RBMS3: variants seen among roughly 807,000 people sequenced by gnomAD.
RBMS3 encodes the protein RNA binding motif single stranded interacting protein 3, also known as RNA-binding motif, single-stranded-interacting protein 3.
RBMS3 carries 27 observed loss-of-function variants against 66.8 expected under a neutral mutation model. That is an observed-to-expected ratio of 0.40 (90% CI 0.30 to 0.56). The LOEUF is 0.56. Ranked by LOEUF, RBMS3 falls within the 20% of genes least tolerant of loss-of-function variation. The pLI is 0.40. For missense variants in RBMS3, 513 were observed against 549.5 expected (o/e 0.93, Z 0.66); for synonymous variants, 188 against 183.0 (o/e 1.03, Z -0.22).
At chr3:29,684,247 A>C (rs911379288) in intron 4 of RBMS3, among the ~76,000 whole-genome samples, 3 of 152,186 alleles carry the variant, frequency 2.0e-5, no homozygotes, top group Admixed American at 1.3e-4. Flanking sequence ...CACAGTCCCT[A>C]CTTTTAGGAA....
chr3:29,699,625 A>C (rs2052453481), intron 4 of RBMS3, among the ~76,000 whole-genome samples: 1 of 152,192 alleles, frequency 6.6e-6, no homozygotes. Flanking sequence ...TTTCTCAGTT[A>C]ACATTGTGAC....
chr3:29,620,786 T>C (rs980788342), intron 4 of RBMS3, among the ~76,000 whole-genome samples: 2 of 152,128 alleles, frequency 1.3e-5, no homozygotes, highest in African/African-American at 4.8e-5. Context: ...CCCTGGCTAT[T>C]TTGAAATTTT....
intron 5 of RBMS3, among the ~76,000 whole-genome samples, chr3:29,742,621 C>T (rs889282192): frequency 6.6e-6 from 1 of 152,136 alleles, no homozygotes; most frequent in Non-Finnish European, 1.5e-5. Flanking sequence ...GTTATAGCTC[C>T]TATAAAAGTT....
At chr3:29,726,174 A>C (rs184364691) in intron 4 of RBMS3, among the ~76,000 whole-genome samples, 1 of 151,982 alleles carries the variant, frequency 6.6e-6, no homozygotes, top group African/African-American at 2.4e-5. Context: ...CATGCTAAAA[A>C]CTCTCAATAT....
chr3:29,305,542 C>A (rs538106925), intron 1 of RBMS3, among the ~76,000 whole-genome samples: 2 of 151,986 alleles, frequency 1.3e-5, no homozygotes, highest in Admixed American at 1.3e-4. Context: ...GGTAGTAATC[C>A]CTTTGTCTCT....
intron 4 of RBMS3, among the ~76,000 whole-genome samples, chr3:29,727,062 C>T (rs1251575711): frequency 6.6e-6 from 1 of 152,070 alleles, no homozygotes; most frequent in African/African-American, 2.4e-5. Flanking sequence ...AATAACACCA[C>T]ACATCTACAA....
At chr3:29,816,311 G>GACACACACACACACACAC (rs66518208) in intron 6 of RBMS3, among the ~76,000 whole-genome samples, 3 of 69,096 alleles carry the variant, frequency 4.3e-5, no homozygotes, top group Non-Finnish European at 1.0e-4. Context: ...GACACACACA[G>GACACACACACACACACAC]ACACACACAC....
chr3:29,862,204 T>C (rs2059232691), intron 6 of RBMS3, among the ~76,000 whole-genome samples: 1 of 152,150 alleles, frequency 6.6e-6, no homozygotes, highest in African/African-American at 2.4e-5. Flanking sequence ...CACCTGGGGA[T>C]CTGGTTAAAA....
At chr3:29,973,622 GTA>G (rs1697364588) in intron 12 of RBMS3, among the ~76,000 whole-genome samples, 1 of 151,902 alleles carries the variant, frequency 6.6e-6, no homozygotes, top group Non-Finnish European at 1.5e-5. Flanking sequence ...TTAGGTGTGT[GTA>G]TCCTTTATTG....
rs1170997851 is a variant in RBMS3, at chr3:30,007,966, A to G, written c.*4104A>G. 2 of 152,088 alleles carry G rather than the reference A, an allele frequency of 1.3e-5. No individual in the cohort carries two copies. Among genetic ancestry groups the G allele is most frequent in the African/African-American group, 4.8e-5 (2 of 41,436 alleles). 9.4% of individuals were successfully genotyped at this position (152,088 alleles called of 1,614,324 possible). On this transcript the variant is annotated 3_prime_UTR_variant, in exon 15 of 15. Coordinates refer to ENST00000383767, the MANE Select transcript of RBMS3 (RefSeq NM_001003793.3). ...GGCTGAGAACTGAAGAAGGCTGTTT[A>G]AAGCAGGAATTTCACTTTATTTTAC...
At chr3:29,325,960 G>T (rs527282559) in intron 1 of RBMS3, among the ~76,000 whole-genome samples, 13 of 152,144 alleles carry the variant, frequency 8.5e-5, no homozygotes, top group South Asian at 4.2e-4. Flanking sequence ...CAGGTCACCT[G>T]GATAGGACTA....
intron 3 of RBMS3, among the ~76,000 whole-genome samples, chr3:29,512,891 T>C (rs567617714): frequency 8.5e-5 from 13 of 152,308 alleles, no homozygotes; most frequent in African/African-American, 3.1e-4. Flanking sequence ...CAAAAGTCCT[T>C]AGCTGAAGGA....
chr3:29,992,990 TCA>T (rs1020840164), intron 14 of RBMS3, among the ~76,000 whole-genome samples: 26 of 152,298 alleles, frequency 1.7e-4, no homozygotes, highest in African/African-American at 6.0e-4. Context: ...AGAGAATCTG[TCA>T]CTTTTTAACT....
At chr3:29,479,416 A>G (rs1314978216) in intron 2 of RBMS3, among the ~76,000 whole-genome samples, 1 of 151,874 alleles carries the variant, frequency 6.6e-6, no homozygotes, top group African/African-American at 2.4e-5. Context: ...AAATTTAAAG[A>G]TGTTCATGGA....
At chr3:29,452,437 A>T (rs1026300999) in intron 2 of RBMS3, among the ~76,000 whole-genome samples, 1 of 152,224 alleles carries the variant, frequency 6.6e-6, no homozygotes, top group African/African-American at 2.4e-5. Context: ...TAGAATCAAC[A>T]AATTTCTGCA....
Position 29,703,318 on chromosome 3 carries a change from T to C in RBMS3, c.400-36402T>C, listed in dbSNP as rs573050393. On this transcript the variant is annotated intron_variant, in intron 4 of 14. Transcript: ENST00000383767. Reference sequence around the variant, plus strand: ...ACCTTTTGCTTGAAGTTGATTGACATATGTACATGTGTTAATTCAATGTGT... The same window carrying C: ...ACCTTTTGCTTGAAGTTGATTGACACATGTACATGTGTTAATTCAATGTGT... Among the ~76,000 whole-genome samples, 330 of 152,330 alleles carry C rather than the reference T, an allele frequency of 2.2e-3. 3 individuals carry two copies. The highest frequency in any genetic ancestry group is 7.6e-3 in the African/African-American group (317 of 41,572).
chr3:29,331,744 A>G (rs991194246), intron 1 of RBMS3, among the ~76,000 whole-genome samples: 2 of 150,750 alleles, frequency 1.3e-5, no homozygotes, highest in South Asian at 2.1e-4. Context: ...TTCCAGATTC[A>G]CAGGGGCTTG....
intron 10 of RBMS3, among the ~76,000 whole-genome samples, chr3:29,932,890 C>G (rs117446299): frequency 1.3e-5 from 2 of 152,266 alleles, no homozygotes; most frequent in East Asian, 3.9e-4. Context: ...GCAACCAGAT[C>G]CACCCTTTGT....
chr3:29,843,371 A>G (rs937957048), intron 6 of RBMS3, among the ~76,000 whole-genome samples: 14 of 152,228 alleles, frequency 9.2e-5, no homozygotes, highest in African/African-American at 2.4e-4. Flanking sequence ...CGGATCATAT[A>G]GATAAGCAAT....
Sources: gnomAD v4.1 joint callset for allele counts (sites outside exome capture counted in the v4.1 genomes callset) on GRCh38, gnomAD v4.1.1 for gene constraint, MANE v1.5 for transcripts, NCBI Gene and HGNC (gene_info 2026-07-23, HGNC 2026-07-21) for gene names.